The following SIPA1L1 variants were observed in gnomAD, a reference collection of about 807,000 sequenced individuals.
SIPA1L1 encodes the protein signal induced proliferation associated 1 like 1.
Under a neutral mutation model 162.7 loss-of-function variants are expected in SIPA1L1, and 26 were observed. The ratio of observed to expected loss-of-function variants is 0.16; its 90% confidence interval spans 0.12 to 0.22. The LOEUF (loss-of-function observed/expected upper bound fraction) is 0.22, where lower values mean the gene tolerates loss of function less well. SIPA1L1 is among the 10% of genes least tolerant of loss of function. The pLI is 1.00. For synonymous variants in SIPA1L1, 829 were observed against 837.4 expected (o/e 0.99, Z 0.17); for missense variants, 1,874 against 2,241.0 (o/e 0.84, Z 3.31).
At chr14:71,591,614 G>A (rs1050221714) in intron 5 of SIPA1L1, among the ~76,000 whole-genome samples, 2 of 152,114 alleles carry the variant, frequency 1.3e-5, no homozygotes, top group African/African-American at 4.8e-5. Context: ...ATCAACTCAA[G>A]CAGGGAATTG....
At position 71,587,917 on chromosome 14, in the gene SIPA1L1, T is replaced by C; in HGVS notation, c.45T>C (p.Thr15=). 1 of 1,612,892 alleles carries C rather than the reference T, an allele frequency of 6.2e-7. No homozygotes were observed. Among genetic ancestry groups the C allele is most frequent in the Non-Finnish European group, 8.5e-7 (1 of 1,178,964 alleles). ...CACAGACAGAAAGGCCTCTTGCCACTGACAGGGCCTCTGTTGTTGGCACAG... is the reference window on the plus strand; with the variant it reads ...CACAGACAGAAAGGCCTCTTGCCACCGACAGGGCCTCTGTTGTTGGCACAG... The part of the protein sequence containing the change: ...KRSQTERPLA[T]DRASVVGTDG... Residue 15 remains threonine (T), a synonymous_variant, in exon 5 of 24, where the codon ACT becomes ACC. Transcript: ENST00000381232.
chr14:71,406,990 C>T (rs1337764671), intron 2 of SIPA1L1, among the ~76,000 whole-genome samples: 1 of 152,078 alleles, frequency 6.6e-6, no homozygotes, highest in Non-Finnish European at 1.5e-5. Flanking sequence ...ACCTGTAATC[C>T]CAACACTTTG....
intron 2 of SIPA1L1, among the ~76,000 whole-genome samples, chr14:71,424,606 T>G (rs1439159597): frequency 6.6e-6 from 1 of 152,100 alleles, no homozygotes; most frequent in African/African-American, 2.4e-5. Flanking sequence ...ATCCTTGTAT[T>G]CCAGGAATAG....
At chr14:71,437,906 T>A (rs537749449) in intron 2 of SIPA1L1, among the ~76,000 whole-genome samples, 104 of 152,316 alleles carry the variant, frequency 6.8e-4, no homozygotes, top group African/African-American at 2.4e-3. Context: ...TCTATTGAAA[T>A]TTAAAATATA....
At chr14:71,569,920 A>G (rs987027074) in intron 4 of SIPA1L1, among the ~76,000 whole-genome samples, 2 of 152,184 alleles carry the variant, frequency 1.3e-5, no homozygotes, top group African/African-American at 4.8e-5. Context: ...AGTCCAGGAC[A>G]TGCATGTCTC....
chr14:71,562,233 C>T (rs1227875383), intron 4 of SIPA1L1, among the ~76,000 whole-genome samples: 2 of 151,628 alleles, frequency 1.3e-5, no homozygotes, highest in Non-Finnish European at 1.5e-5. Context: ...AAAAATGATA[C>T]TTTTGTTTAT....
intron 4 of SIPA1L1, among the ~76,000 whole-genome samples, chr14:71,544,364 GTA>G (rs1006277483): frequency 1.3e-5 from 2 of 151,192 alleles, no homozygotes; most frequent in Non-Finnish European, 2.9e-5. Flanking sequence ...TATCATATGT[GTA>G]TATATGATTT....
intron 2 of SIPA1L1, among the ~76,000 whole-genome samples, chr14:71,372,361 T>G (rs2038971662): frequency 6.6e-6 from 1 of 152,194 alleles, no homozygotes; most frequent in South Asian, 2.1e-4. Context: ...TCCAGATTAA[T>G]TTACTTGAAT....
intron 5 of SIPA1L1, among the ~76,000 whole-genome samples, chr14:71,602,210 C>T (rs917667070): frequency 3.3e-5 from 5 of 152,108 alleles, no homozygotes; most frequent in African/African-American, 1.2e-4. Context: ...ATAAAATTAT[C>T]ACTTAACACT....
chr14:71,330,478 A>G, intron 2 of SIPA1L1: 2 of 1,606,420 alleles, frequency 1.2e-6, no homozygotes, highest in Non-Finnish European at 1.7e-6. Context: ...CACAGCTAGA[A>G]CTTGGTCCCC....
chr14:71,340,925 C>A (rs973478591), intron 2 of SIPA1L1, among the ~76,000 whole-genome samples: 5 of 152,118 alleles, frequency 3.3e-5, no homozygotes, highest in African/African-American at 1.2e-4. Context: ...GACAACAGAG[C>A]GAGACTCCGT....
At chr14:71,576,110 T>C (rs569985081) in intron 4 of SIPA1L1, among the ~76,000 whole-genome samples, 10 of 152,354 alleles carry the variant, frequency 6.6e-5, no homozygotes, top group Non-Finnish European at 1.5e-4. Context: ...AGGATAAGGA[T>C]TGGACAGATC....
At chr14:71,651,902 A>T (rs1276309633) in intron 8 of SIPA1L1, among the ~76,000 whole-genome samples, 1 of 152,218 alleles carries the variant, frequency 6.6e-6, no homozygotes, top group Non-Finnish European at 1.5e-5. Flanking sequence ...CAAAGGCTAG[A>T]GGGGGATGAG....
chr14:71,723,973 A>G (rs2083996456), intron 18 of SIPA1L1, 87 bp downstream of exon 18: 1 of 1,527,684 alleles, frequency 6.5e-7, no homozygotes, highest in Non-Finnish European at 8.9e-7. Flanking sequence ...TTACAACAAA[A>G]GAGGCCGGGC....
chr14:71,709,707 A>C (rs1239671966), intron 17 of SIPA1L1, 43 bp downstream of exon 17: 35 of 1,547,284 alleles, frequency 2.3e-5, no homozygotes, highest in Non-Finnish European at 2.9e-5. Flanking sequence ...CCCAGACCTA[A>C]GCCCAGTTCC....
At chr14:71,684,931 G>A (rs559546709) in intron 12 of SIPA1L1, among the ~76,000 whole-genome samples, 1 of 152,232 alleles carries the variant, frequency 6.6e-6, no homozygotes, top group East Asian at 1.9e-4. Flanking sequence ...GTGGCGGGTT[G>A]TGAAGCTGCT....
chr14:71,694,635 A>AAT (rs780126238), intron 13 of SIPA1L1, among the ~76,000 whole-genome samples: 12 of 152,230 alleles, frequency 7.9e-5, no homozygotes, highest in Admixed American at 6.5e-4. Context: ...TTAATGCTAA[A>AAT]AGATTTACAG....
chr14:71,446,686 G>A (rs1197957205), intron 2 of SIPA1L1, among the ~76,000 whole-genome samples: 1 of 152,004 alleles, frequency 6.6e-6, no homozygotes, highest in Non-Finnish European at 1.5e-5. Flanking sequence ...ATAAATGCTT[G>A]ATTGTTTTCT....
At chr14:71,639,209 C>A (rs1241659881) in intron 7 of SIPA1L1, among the ~76,000 whole-genome samples, 2 of 152,120 alleles carry the variant, frequency 1.3e-5, no homozygotes, top group Non-Finnish European at 2.9e-5. Flanking sequence ...TAGTTCAAGG[C>A]CAGCCTGGGC....
Sources: gnomAD v4.1 joint callset for allele counts (sites outside exome capture counted in the v4.1 genomes callset) on GRCh38, gnomAD v4.1.1 for gene constraint, MANE v1.5 for transcripts, NCBI Gene and HGNC (gene_info 2026-07-23, HGNC 2026-07-21) for gene names.